Variants in DNAJB14 observed in about 807,000 individuals in gnomAD.
DNAJB14 encodes dnaJ homolog subfamily B member 14.
In DNAJB14, 22 loss-of-function variants were observed where a neutral mutation model predicts 48.4. That is an observed-to-expected ratio of 0.45 (90% CI 0.32 to 0.65). The LOEUF (loss-of-function observed/expected upper bound fraction) is 0.65. Ranked by LOEUF, DNAJB14 falls within the 30% of genes least tolerant of loss-of-function variation. The pLI, the probability that DNAJB14 is intolerant of heterozygous loss-of-function variation, is 0.03. For missense variants in DNAJB14, 319 were observed against 458.8 expected (o/e 0.70, Z 2.78); for synonymous variants, 142 against 158.7 (o/e 0.89, Z 0.79).
chr4:99,928,586 C>G (rs767397985), intron 2 of DNAJB14: 7 of 450,946 alleles, frequency 1.6e-5, no homozygotes, highest in Admixed American at 2.4e-5. Context: ...ATTTCTACCA[C>G]ACCTTGGACT....
In DNAJB14 at chr4:99,899,217, A is replaced by C. The variant is rs1560726996; in HGVS notation, c.*1811T>G. ...CAGAATTATCAGCCATAATAGTGTA[A>C]ATTTGCCATTAAAATTAGAAAAATA... On this transcript the variant is annotated 3_prime_UTR_variant, in exon 8 of 8. Transcript: ENST00000442697. 2 of 151,930 alleles carry C rather than the reference A, an allele frequency of 1.3e-5. No homozygotes were observed. Among genetic ancestry groups the C allele is most frequent in the Non-Finnish European group, 2.9e-5 (2 of 67,802 alleles). 9.4% of individuals were successfully genotyped at this position (151,930 alleles called of 1,614,324 possible). A position where few individuals can be genotyped will look rare whatever the true frequency, so the allele number is the denominator to read the frequency against.
rs140344524 is a variant in DNAJB14 at position 99,932,672 on chromosome 4, T to C, written c.134-2051A>G. ...CTAAGTACATATCCAAGAGAAATGA[T>C]ATACAAAAACTGATTCACAAATGTT... On this transcript the variant is annotated intron_variant, in intron 1 of 7. Transcript: ENST00000442697. Among the ~76,000 whole-genome samples the C allele has an allele frequency of 4.7e-4, 72 of 152,254 alleles. No homozygotes were observed. The East Asian group carries it at 0.014, about 29-fold the overall frequency.
intron 3 of DNAJB14, among the ~76,000 whole-genome samples, chr4:99,917,936 G>A (rs1161573111): frequency 2.0e-5 from 3 of 152,114 alleles, no homozygotes; most frequent in African/African-American, 4.8e-5. Flanking sequence ...GTTTGACAAC[G>A]ATGTGTCTTG....
At chr4:99,915,979 T>C (rs1269906356) in intron 3 of DNAJB14, among the ~76,000 whole-genome samples, 1 of 152,224 alleles carries the variant, frequency 6.6e-6, no homozygotes, top group African/African-American at 2.4e-5. Flanking sequence ...ATAATGTACT[T>C]CTCTGGTAAT....
chr4:99,919,313 G>A (rs1725966307), intron 3 of DNAJB14, among the ~76,000 whole-genome samples: 1 of 152,090 alleles, frequency 6.6e-6, no homozygotes, highest in South Asian at 2.1e-4. Context: ...GGCCAGGCAT[G>A]GTGGCTCACA....
At chr4:99,913,705 C>T (rs11097680) in intron 3 of DNAJB14, among the ~76,000 whole-genome samples, 1,676 of 148,090 alleles carry the variant, frequency 0.011, 38 homozygotes, top group African/African-American at 0.039. Flanking sequence ...TGGAAAATGT[C>T]TCTTCCTCTT....
intron 3 of DNAJB14, among the ~76,000 whole-genome samples, chr4:99,909,772 A>G (rs888112041): frequency 6.6e-6 from 1 of 152,056 alleles, no homozygotes; most frequent in Non-Finnish European, 1.5e-5. Flanking sequence ...TTTTTATATT[A>G]TAAAAGTCTG....
At chr4:99,924,615 CCAGA>C in intron 2 of DNAJB14, 3 of 966,456 alleles carry the variant, frequency 3.1e-6, no homozygotes, top group Admixed American at 3.3e-5. Flanking sequence ...CTAACTATGC[CCAGA>C]CAGTGTTCTA....
At chr4:99,912,515 T>C (rs1725700157) in intron 3 of DNAJB14, among the ~76,000 whole-genome samples, 1 of 152,136 alleles carries the variant, frequency 6.6e-6, no homozygotes, top group South Asian at 2.1e-4. Flanking sequence ...GTTTTGCTCT[T>C]GTTGTCCTGG....
chr4:99,928,513 C>A, intron 2 of DNAJB14: 1 of 428,884 alleles, frequency 2.3e-6, no homozygotes, highest in Non-Finnish European at 4.8e-6. Flanking sequence ...CAAAACCAAC[C>A]CCACCCCACA....
chr4:99,930,585 G>T lies in DNAJB14; in HGVS notation c.170C>A (p.Ala57Asp). Residue 57 changes from alanine to aspartate, a missense_variant, in exon 2 of 8, where the codon GCT (alanine) becomes GAT (aspartate). By Grantham distance (126) the Ala-to-Asp change is moderately radical. Coordinates refer to ENST00000442697, the MANE Select transcript of DNAJB14 (RefSeq NM_001031723.4). ...TTTTCGGCAATGAGGGCTATTTCCA[G>T]CCGTGCTTCCATTTTTCATAATTAT... The part of the protein sequence containing the change: ...LEIIMKNGST[A>D]GNSPHCRKPS... 6.2e-7 allele frequency: 1 copy of T among 1,611,290 alleles called. No individual in the cohort carries two copies. Among genetic ancestry groups the T allele is most frequent in the Non-Finnish European group, 8.5e-7 (1 of 1,178,606 alleles).
rs1348053822 is a variant in DNAJB14, at chr4:99,946,449, G to C, written c.123C>G (p.Pro41=). The change falls in exon 1 of 8, where the codon CCC becomes CCG. Residue 41 remains proline, a synonymous_variant. Transcript: ENST00000442697. ...LQKAEKLYPL[P]SARALLEIIM... ...ACGCTGAGGTCTCACCGCGGGCCGA[G>C]GGCAGTGGGTAGAGCTTCTCGGCCT... is the stretch of plus-strand genomic sequence containing the variant. 6.2e-7 allele frequency: 1 copy of C among 1,612,684 alleles called. No homozygotes were observed. The highest frequency in any genetic ancestry group is 8.5e-7 in the Non-Finnish European group (1 of 1,179,356).
At chr4:99,930,746 T>C in intron 1 of DNAJB14, 125 bp from the exon 2 acceptor site, 1 of 1,023,500 alleles carries the variant, frequency 9.8e-7, no homozygotes, top group Non-Finnish European at 1.4e-6. Flanking sequence ...CATAGGATCT[T>C]TTTAATTAGC....
At chr4:99,923,684 T>C (rs1265216771) in intron 2 of DNAJB14, 17 of 984,726 alleles carry the variant, frequency 1.7e-5, no homozygotes, top group Non-Finnish European at 1.9e-5. Context: ...AGCAGTATTC[T>C]ATGGTTTAAA....
At chr4:99,939,129 A>G (rs551837179) in intron 1 of DNAJB14, among the ~76,000 whole-genome samples, 8 of 152,348 alleles carry the variant, frequency 5.3e-5, no homozygotes, top group African/African-American at 1.7e-4. Context: ...TGGGAGGTTG[A>G]GGTGGGTAGA....
chr4:99,906,360 C>T (rs1166065911), intron 5 of DNAJB14, among the ~76,000 whole-genome samples, 157 bp downstream of exon 5: 1 of 152,114 alleles, frequency 6.6e-6, no homozygotes, highest in African/African-American at 2.4e-5. Flanking sequence ...TCTTCCTATT[C>T]CTACAATGTC....
chr4:99,907,586 G>A (rs1295253835), intron 4 of DNAJB14, among the ~76,000 whole-genome samples: 2 of 152,056 alleles, frequency 1.3e-5, no homozygotes. Flanking sequence ...GCTGAGATGG[G>A]AGGATTGGTA....
intron 2 of DNAJB14, chr4:99,930,210 TA>T (rs936136299): frequency 2.5e-5 from 8 of 321,710 alleles, no homozygotes; most frequent in Non-Finnish European, 3.3e-5. Flanking sequence ...TAATTTTTCT[TA>T]AAAAAATTAT....
chr4:99,923,065 T>C lies in DNAJB14; in HGVS notation c.426A>G (p.Ala142=). The change falls in exon 3 of 8, where the codon GCA becomes GCG. Residue 142 remains alanine, a synonymous_variant. Coordinates refer to ENST00000442697, the MANE Select transcript of DNAJB14 (RefSeq NM_001031723.4). ...TTTTAAAAGCATCTGTTGCTCCAGG[T>C]GCATGGTTTTTGTCTGGATGAAACT... The part of the protein sequence containing the change: ...ALKFHPDKNH[A]PGATDAFKKI... 6.2e-7 allele frequency: 1 copy of C among 1,609,556 alleles called. No individual in the cohort carries two copies. Among genetic ancestry groups the C allele is most frequent in the East Asian group, 2.2e-5 (1 of 44,810 alleles).
Sources: allele counts gnomAD v4.1 joint callset (sites outside exome capture counted in the v4.1 genomes callset), GRCh38; gene constraint gnomAD v4.1.1; transcripts MANE v1.5; gene names NCBI Gene and HGNC (gene_info 2026-07-23, HGNC 2026-07-21).